SYT16: variants seen among roughly 807,000 people sequenced by gnomAD.
The protein encoded by SYT16 is synaptotagmin 16.
SYT16 carries 42 observed loss-of-function variants against 61.4 expected under a neutral mutation model. The ratio of observed to expected loss-of-function variants is 0.68; its 90% CI spans 0.53 to 0.89. The LOEUF is 0.89. Among genes scored for constraint, SYT16 ranks in the 40% least tolerant of loss-of-function variants. The pLI is 0.00. For synonymous variants in SYT16, 314 were observed against 302.3 expected (o/e 1.04, Z -0.40); for missense variants, 804 against 807.3 (o/e 1.00, Z 0.05).
At chr14:61,965,806 A>T (rs1246792291) in intron 1 of SYT16, among the ~76,000 whole-genome samples, 1 of 152,094 alleles carries the variant, frequency 6.6e-6, no homozygotes, top group Non-Finnish European at 1.5e-5. Context: ...CGAAGATGCA[A>T]TTGAAGAAAA....
At chr14:61,936,615 C>A (rs2049992527) in intron 1 of SYT16, among the ~76,000 whole-genome samples, 1 of 152,126 alleles carries the variant, frequency 6.6e-6, no homozygotes, top group Non-Finnish European at 1.5e-5. Context: ...TGTTGCTGCA[C>A]CTCCTCTATC....
intron 7 of SYT16, among the ~76,000 whole-genome samples, chr14:62,096,685 T>C (rs1378984901): frequency 3.3e-5 from 5 of 152,094 alleles, no homozygotes; most frequent in African/African-American, 9.7e-5. Context: ...TAAATACATC[T>C]ATGGAAATGA....
chr14:61,880,218 G>C (rs1475594886), intron 1 of SYT16, among the ~76,000 whole-genome samples: 1 of 152,198 alleles, frequency 6.6e-6, no homozygotes, highest in Admixed American at 6.5e-5. Flanking sequence ...TGAATAAATA[G>C]TTCCCCCTAA....
chr14:62,012,914 G>A (rs1309072835), intron 3 of SYT16, among the ~76,000 whole-genome samples: 2 of 152,178 alleles, frequency 1.3e-5, no homozygotes, highest in South Asian at 2.1e-4. Context: ...ATTAGCATGA[G>A]CTTTCACACG....
chr14:61,973,016 C>A (rs1443139765), intron 2 of SYT16, among the ~76,000 whole-genome samples: 1 of 152,044 alleles, frequency 6.6e-6, no homozygotes, highest in Non-Finnish European at 1.5e-5. Context: ...TTAGATTAAA[C>A]CATATAAGAT....
intron 3 of SYT16, among the ~76,000 whole-genome samples, chr14:62,026,383 C>T (rs541318447): frequency 6.6e-6 from 1 of 152,312 alleles, no homozygotes; most frequent in African/African-American, 2.4e-5. Context: ...GATCAAGGCA[C>T]TGGTATCTGG....
intron 3 of SYT16, among the ~76,000 whole-genome samples, chr14:62,067,476 C>G (rs1169114616): frequency 6.6e-6 from 1 of 152,088 alleles, no homozygotes; most frequent in Non-Finnish European, 1.5e-5. Context: ...ACAGGAGGAA[C>G]AATCTCGGCC....
chr14:61,978,946 A>T (rs1163508729), intron 2 of SYT16, among the ~76,000 whole-genome samples: 1 of 152,222 alleles, frequency 6.6e-6, no homozygotes, highest in Non-Finnish European at 1.5e-5. Context: ...ATTATAACCA[A>T]CTTTAATTTA....
intron 3 of SYT16, 144 bp from the exon 4 acceptor site, chr14:62,069,459 T>C (rs1310076002): frequency 1.3e-6 from 1 of 781,170 alleles, no homozygotes; most frequent in Non-Finnish European, 2.1e-6. Context: ...CAAAAGTGCT[T>C]TAAATTTTTT....
intron 3 of SYT16, among the ~76,000 whole-genome samples, chr14:62,001,132 A>G (rs1939856136): frequency 6.6e-6 from 1 of 152,096 alleles, no homozygotes; most frequent in Non-Finnish European, 1.5e-5. Context: ...TATTTACCTC[A>G]TTTATGCCAC....
intron 2 of SYT16, among the ~76,000 whole-genome samples, chr14:61,984,214 T>G (rs1441829782): frequency 2.0e-5 from 3 of 152,194 alleles, no homozygotes; most frequent in African/African-American, 7.2e-5. Context: ...CAGTGCTTCT[T>G]TAGTCTATGT....
chr14:62,059,156 A>C (rs868067492), intron 3 of SYT16, among the ~76,000 whole-genome samples: 1 of 152,224 alleles, frequency 6.6e-6, no homozygotes, highest in Middle Eastern at 3.4e-3. Context: ...AATAATCTGT[A>C]CAAAAAAACC....
chr14:61,827,000 C>G (rs1048230784), intron 1 of SYT16, among the ~76,000 whole-genome samples: 3 of 151,948 alleles, frequency 2.0e-5, no homozygotes, highest in African/African-American at 7.3e-5. Context: ...AAATTAGAGT[C>G]CCACCCTTAT....
chr14:62,092,214 ACAC>A (rs1306273572), intron 7 of SYT16, among the ~76,000 whole-genome samples: 14 of 145,216 alleles, frequency 9.6e-5, no homozygotes, highest in African/African-American at 3.8e-4. Context: ...ACACACACAC[ACAC>A]ACACACACAC....
At chr14:62,098,932 A>C (rs113371756) in intron 7 of SYT16, among the ~76,000 whole-genome samples, 4 of 152,320 alleles carry the variant, frequency 2.6e-5, no homozygotes, top group African/African-American at 9.6e-5. Flanking sequence ...AACAAAAGTC[A>C]TATGAGGCTG....
intron 1 of SYT16, among the ~76,000 whole-genome samples, chr14:61,947,910 G>A (rs2050512939): frequency 6.6e-6 from 1 of 152,168 alleles, no homozygotes; most frequent in Admixed American, 6.5e-5. Context: ...CTTTACCTGT[G>A]GAGAAAGTTT....
At chr14:62,065,011 G>GTGTGGA (rs1277843168) in intron 3 of SYT16, among the ~76,000 whole-genome samples, 1 of 152,160 alleles carries the variant, frequency 6.6e-6, no homozygotes, top group African/African-American at 2.4e-5. Flanking sequence ...AGAATAGCAC[G>GTGTGGA]TGTGGATGTG....
chr14:61,939,007 T>C (rs897389555), intron 1 of SYT16, among the ~76,000 whole-genome samples: 1 of 152,010 alleles, frequency 6.6e-6, no homozygotes, highest in South Asian at 2.1e-4. Context: ...TGGTGGCGGG[T>C]GCCTATAATC....
At chr14:61,816,978 T>G (rs1392322014) in intron 1 of SYT16, among the ~76,000 whole-genome samples, 2 of 145,216 alleles carry the variant, frequency 1.4e-5, no homozygotes, top group Non-Finnish European at 3.0e-5. Context: ...GCCACTGCAC[T>G]CCAGCCTGGG....
Sources: gnomAD v4.1 joint callset for allele counts (sites outside exome capture counted in the v4.1 genomes callset) on GRCh38, gnomAD v4.1.1 for gene constraint, MANE v1.5 for transcripts, NCBI Gene and HGNC (gene_info 2026-07-23, HGNC 2026-07-21) for gene names.